GLT8D2: variants seen among roughly 807,000 people sequenced by gnomAD.
The protein encoded by GLT8D2 is glycosyltransferase 8 domain-containing protein 2.
A neutral mutation model predicts 44.5 loss-of-function variants in GLT8D2; 45 were observed. The ratio of observed to expected loss-of-function variants is 1.01; its 90% CI spans 0.80 to 1.30. The LOEUF is 1.30. GLT8D2 is among the 50% of genes most tolerant of loss of function. The pLI, the probability that GLT8D2 is intolerant of heterozygous loss-of-function variation, is 0.00. For synonymous variants in GLT8D2, 156 were observed against 157.2 expected (o/e 0.99, Z 0.06); for missense variants, 400 against 430.4 (o/e 0.93, Z 0.62).
chr12:104,030,863 G>A (rs111330909), intron 1 of GLT8D2: 29,226 of 1,574,492 alleles, frequency 0.019, 470 homozygotes, highest in Middle Eastern at 0.067. Context: ...GTACGACGCC[G>A]ACCTGAGCCC....
upstream of GLT8D2, among the ~76,000 whole-genome samples, chr12:104,051,749 T>C (rs1430432554): frequency 6.7e-6 from 1 of 149,238 alleles, no homozygotes; most frequent in African/African-American, 2.5e-5. Context: ...CTTCCCAGTG[T>C]TTTTTTTTTA....
chr12:104,006,836 C>T (rs1035765633), intron 4 of GLT8D2, among the ~76,000 whole-genome samples: 1 of 152,142 alleles, frequency 6.6e-6, no homozygotes, highest in South Asian at 2.1e-4. Context: ...CTTACAGGAG[C>T]CAGTTGGCTA....
chr12:104,011,189 T>A (rs993274748), intron 4 of GLT8D2, among the ~76,000 whole-genome samples: 2 of 152,218 alleles, frequency 1.3e-5, no homozygotes, highest in Admixed American at 6.5e-5. Context: ...AACTGTACCT[T>A]CTTCATCAAT....
chr12:104,002,908 G>A (rs570383670), intron 5 of GLT8D2, among the ~76,000 whole-genome samples: 36 of 152,036 alleles, frequency 2.4e-4, no homozygotes, highest in African/African-American at 7.7e-4. Flanking sequence ...TTGCGCCACC[G>A]CACAATCCAG....
intron 4 of GLT8D2, chr12:104,014,395 C>T (rs1876278616): frequency 1.6e-6 from 1 of 624,312 alleles, no homozygotes; most frequent in African/African-American, 1.8e-5. Flanking sequence ...ATAAACAGTG[C>T]TTCCTGATTT....
intron 2 of GLT8D2, among the ~76,000 whole-genome samples, chr12:104,020,056 C>T (rs544012215): frequency 6.6e-6 from 1 of 152,106 alleles, no homozygotes; most frequent in South Asian, 2.1e-4. Flanking sequence ...AGTAGCTGGA[C>T]CTACAGGCAT....
At chr12:104,008,318 C>A (rs1283912754) in intron 4 of GLT8D2, among the ~76,000 whole-genome samples, 1 of 152,134 alleles carries the variant, frequency 6.6e-6, no homozygotes, top group Non-Finnish European at 1.5e-5. Flanking sequence ...TTGTTGGGAA[C>A]TGGAACAAAG....
Position 104,015,165 on chromosome 12 carries a change from A to C in GLT8D2, c.20-60T>G. The C allele has an allele frequency of 3.0e-6, 4 of 1,341,466 alleles. No individual in the cohort carries two copies. In the Admixed American group the frequency reaches 7.0e-5, roughly 24 times the overall value. 83.1% of individuals were successfully genotyped at this position (1,341,466 alleles called of 1,614,324 possible). A position where few individuals can be genotyped will look rare whatever the true frequency, so the allele number is the denominator to read the frequency against. The stretch of plus-strand genomic sequence containing the variant: ...CTATGAACCTGAAATCACGTGACAA[A>C]GTTTAGAATGGTAGTGCGAGTAGGT... On this transcript the variant is annotated intron_variant, in intron 3 of 10. Transcript: ENST00000360814.
chr12:104,004,536 A>G (rs966530644), intron 4 of GLT8D2, among the ~76,000 whole-genome samples: 1 of 152,238 alleles, frequency 6.6e-6, no homozygotes, highest in Non-Finnish European at 1.5e-5. Context: ...GCAAAGTCTC[A>G]GGATATAAAA....
intron 4 of GLT8D2, among the ~76,000 whole-genome samples, chr12:104,005,200 C>T (rs1374458338): frequency 6.6e-6 from 1 of 152,100 alleles, no homozygotes; most frequent in Non-Finnish European, 1.5e-5. Flanking sequence ...TAAAACTGGA[C>T]CCCTTCCTTA....
In GLT8D2 at chr12:104,015,092, C is replaced by A. The variant is rs777756369; in HGVS notation, c.33G>T (p.Leu11=). Residue 11 remains leucine, a synonymous_variant, in exon 4 of 11, where the codon CTG becomes CTT. Coordinates refer to ENST00000360814, the MANE Select transcript of GLT8D2 (RefSeq NM_001384711.1). MALLRKINQV[L]LFLLIVTLCV... ...AGAGGGTCACGATCAGAAGGAACAG[C>A]AGCACCTGATTAACTGAAATAGAAA... The A allele has an allele frequency of 6.2e-7, 1 of 1,612,996 alleles. No homozygotes were observed. The highest frequency in any genetic ancestry group is 1.1e-5 in the South Asian group (1 of 91,040).
At chr12:104,002,971 A>G (rs1874427859) in intron 5 of GLT8D2, among the ~76,000 whole-genome samples, 164 bp downstream of exon 5, 2 of 151,336 alleles carry the variant, frequency 1.3e-5, no homozygotes, top group Non-Finnish European at 2.9e-5. Flanking sequence ...AGAGAGAAAG[A>G]CAGAGAGAGA....
At chr12:104,036,466 A>G (rs923122883) in intron 1 of GLT8D2, among the ~76,000 whole-genome samples, 6 of 152,220 alleles carry the variant, frequency 3.9e-5, no homozygotes, top group African/African-American at 1.4e-4. Context: ...ATGGAGGAAG[A>G]TCTACCAAGC....
In GLT8D2 at chr12:104,032,466, C is replaced by CAAAAAAAAAAA. The variant is rs547392677; in HGVS notation, c.-163-10986_-163-10976dup. 4.4e-3 allele frequency among the ~76,000 whole-genome samples: 265 copies of CAAAAAAAAAAA among 59,602 alleles called. 11 individuals carry two copies. The highest frequency in any genetic ancestry group is 0.017 in the African/African-American group (257 of 14,936). 39.1% of individuals were successfully genotyped at this position (59,602 alleles called of 152,430 possible). Reference sequence around the variant, plus strand: ...ATAATAAAGGAGTGATGTGCAATAGCAAAAAAAAAAAAAAAAAAAAAAAAA... The same window carrying CAAAAAAAAAAA: ...ATAATAAAGGAGTGATGTGCAATAGCAAAAAAAAAAAAAAAAAAAAAAAAAAAAAAAAAAAA... On this transcript the variant is annotated intron_variant, in intron 1 of 10. Transcript: ENST00000360814.
At chr12:104,062,780 T>C (rs564044680) in intron 1 of GLT8D2, among the ~76,000 whole-genome samples, 2 of 152,170 alleles carry the variant, frequency 1.3e-5, no homozygotes, top group African/African-American at 4.8e-5. Flanking sequence ...CAGTCCTTTT[T>C]CAATTAAAAT....
chr12:104,057,622 T>C (rs1392988411), intron 1 of GLT8D2, among the ~76,000 whole-genome samples: 1 of 152,182 alleles, frequency 6.6e-6, no homozygotes, highest in African/African-American at 2.4e-5. Flanking sequence ...TATATATTTA[T>C]ATCCAACAGT....
chr12:104,008,012 C>A (rs4964441), intron 4 of GLT8D2, among the ~76,000 whole-genome samples: 2,718 of 152,288 alleles, frequency 0.018, 36 homozygotes, highest in Middle Eastern at 0.031. Flanking sequence ...GATTAAAACT[C>A]TTTTTCTTCC....
At chr12:104,003,011 A>C (rs760790666) in intron 5 of GLT8D2, 124 bp downstream of exon 5, 1 of 685,622 alleles carries the variant, frequency 1.5e-6, no homozygotes, top group Non-Finnish European at 2.5e-6. Flanking sequence ...AGGGAGAGAA[A>C]GAGAGAAAGG....
chr12:104,041,741 T>C (rs2136476737), intron 1 of GLT8D2, among the ~76,000 whole-genome samples: 1 of 152,210 alleles, frequency 6.6e-6, no homozygotes, highest in South Asian at 2.1e-4. Flanking sequence ...CAAAGATAAG[T>C]CCCCAGTTAG....
Sources: allele counts gnomAD v4.1 joint callset (sites outside exome capture counted in the v4.1 genomes callset), GRCh38; gene constraint gnomAD v4.1.1; transcripts MANE v1.5; gene names NCBI Gene and HGNC (gene_info 2026-07-23, HGNC 2026-07-21).